The following GABRG3 variants were observed in gnomAD, a reference collection of about 807,000 sequenced individuals.
GABRG3 encodes the protein gamma-aminobutyric acid type A receptor subunit gamma3, also known as gamma-aminobutyric acid receptor subunit gamma-3.
Under a neutral mutation model 48.8 loss-of-function variants are expected in GABRG3, and 25 were observed. The ratio of observed to expected loss-of-function variants is 0.51; its 90% CI spans 0.37 to 0.72. The LOEUF (loss-of-function observed/expected upper bound fraction) is 0.72. Ranked by LOEUF, GABRG3 falls within the 30% of genes least tolerant of loss-of-function variation. The pLI, the probability that GABRG3 is intolerant of heterozygous loss-of-function variation, is 0.00. For synonymous variants in GABRG3, 227 were observed against 217.6 expected (o/e 1.04, Z -0.38); for missense variants, 394 against 577.9 (o/e 0.68, Z 3.26).
intron 3 of GABRG3, among the ~76,000 whole-genome samples, chr15:27,295,684 T>TG (rs1891958741): frequency 6.6e-6 from 1 of 152,266 alleles, no homozygotes; most frequent in Admixed American, 6.5e-5. Context: ...CCTACAGGCA[T>TG]GGGGGACAAA....
At chr15:27,046,185 C>T (rs12909840) in intron 3 of GABRG3, among the ~76,000 whole-genome samples, 50,168 of 151,870 alleles carry the variant, frequency 0.33, 8,789 homozygotes, top group Middle Eastern at 0.46. Flanking sequence ...CGTCCGTCTC[C>T]GGGGTTCAAG....
At chr15:27,165,290 C>G (rs1196798041) in intron 3 of GABRG3, among the ~76,000 whole-genome samples, 1 of 152,130 alleles carries the variant, frequency 6.6e-6, no homozygotes, top group Non-Finnish European at 1.5e-5. Context: ...GCAGTGCTGG[C>G]GAGGTCACCT....
chr15:27,486,127 G>A (rs908379362), intron 6 of GABRG3, among the ~76,000 whole-genome samples: 4 of 152,150 alleles, frequency 2.6e-5, no homozygotes, highest in African/African-American at 7.2e-5. Context: ...GGCAAACTGA[G>A]GGGTGCTCGG....
intron 5 of GABRG3, among the ~76,000 whole-genome samples, chr15:27,443,619 A>G (rs1888855472): frequency 1.3e-5 from 2 of 152,210 alleles, no homozygotes; most frequent in African/African-American, 4.8e-5. Flanking sequence ...CTTCTTTTCC[A>G]AAACACCTGC....
chr15:27,463,398 G>A (rs781729951), intron 5 of GABRG3, among the ~76,000 whole-genome samples: 21 of 152,182 alleles, frequency 1.4e-4, no homozygotes, highest in Non-Finnish European at 1.5e-4. Flanking sequence ...ATTTCAATCA[G>A]AATTCCAATT....
intron 6 of GABRG3, 121 bp downstream of exon 6, chr15:27,480,908 C>A: frequency 2.1e-6 from 3 of 1,436,542 alleles, no homozygotes; most frequent in South Asian, 3.2e-5. Context: ...ATATTTGAGA[C>A]AAAACAAGTG....
chr15:27,142,400 T>A (rs1308722505), intron 3 of GABRG3, among the ~76,000 whole-genome samples: 1 of 152,096 alleles, frequency 6.6e-6, no homozygotes, highest in East Asian at 1.9e-4. Flanking sequence ...TGGATGGCAG[T>A]TGGCAAAGAG....
In GABRG3 at chr15:27,186,364, G is replaced by A. The variant is rs571449436; in HGVS notation, c.271-140445G>A. ...CTTCATTATTTTTTATGGTTGCATA[G>A]TATTATATGGTATATATGTACCACA... On this transcript the variant is annotated intron_variant, in intron 3 of 9. Transcript: ENST00000615808. Among the ~76,000 whole-genome samples, 12 of 152,178 alleles carry A rather than the reference G, an allele frequency of 7.9e-5. No individual in the cohort carries two copies. The East Asian group carries it at 2.1e-3, about 27-fold the overall frequency.
chr15:27,459,080 C>T (rs1889373680), intron 5 of GABRG3, among the ~76,000 whole-genome samples: 6 of 152,246 alleles, frequency 3.9e-5, no homozygotes. Context: ...AATACTTCCC[C>T]CGTCAGCATG....
At chr15:27,266,287 T>TG (rs2140470450) in intron 3 of GABRG3, among the ~76,000 whole-genome samples, 1 of 152,094 alleles carries the variant, frequency 6.6e-6, no homozygotes, top group African/African-American at 2.4e-5. Flanking sequence ...GGAATTCTTT[T>TG]TTTTTCTGCT....
At chr15:27,476,507 G>A (rs535924291) in intron 5 of GABRG3, among the ~76,000 whole-genome samples, 2 of 151,914 alleles carry the variant, frequency 1.3e-5, no homozygotes, top group South Asian at 2.1e-4. Flanking sequence ...AAATTCTAGA[G>A]TTGAAAAGTA....
intron 3 of GABRG3, among the ~76,000 whole-genome samples, chr15:27,160,495 T>C (rs1312057365): frequency 1.3e-5 from 2 of 152,208 alleles, no homozygotes; most frequent in African/African-American, 4.8e-5. Flanking sequence ...TTTTATTACT[T>C]TTCTCTTTTA....
intron 5 of GABRG3, among the ~76,000 whole-genome samples, chr15:27,469,324 G>T (rs12437745): frequency 0.3 from 45,361 of 151,992 alleles, 7,460 homozygotes; most frequent in African/African-American, 0.44. Flanking sequence ...CTTCTCTCAA[G>T]TCTCTCTTCT....
chr15:27,400,726 T>C (rs1158444779), intron 5 of GABRG3, among the ~76,000 whole-genome samples: 1 of 152,224 alleles, frequency 6.6e-6, no homozygotes, highest in Non-Finnish European at 1.5e-5. Context: ...CAGATGAGCT[T>C]ATCAGACTGA....
intron 3 of GABRG3, among the ~76,000 whole-genome samples, chr15:27,284,771 C>T (rs1891553507): frequency 6.6e-6 from 1 of 152,194 alleles, no homozygotes; most frequent in Non-Finnish European, 1.5e-5. Flanking sequence ...CTTCTTTCCT[C>T]AACTTTGCTC....
intron 6 of GABRG3, among the ~76,000 whole-genome samples, chr15:27,503,632 G>GA (rs1426716423): frequency 6.6e-6 from 1 of 152,176 alleles, no homozygotes; most frequent in African/African-American, 2.4e-5. Flanking sequence ...CACATACCAA[G>GA]AATGTGTACT....
chr15:27,135,268 A>G (rs951784410), intron 3 of GABRG3, among the ~76,000 whole-genome samples: 6 of 152,200 alleles, frequency 3.9e-5, no homozygotes, highest in African/African-American at 1.2e-4. Flanking sequence ...CTAGGAACTG[A>G]TCTTAATCAA....
chr15:27,463,269 T>G (rs1889503783), intron 5 of GABRG3, among the ~76,000 whole-genome samples: 2 of 152,184 alleles, frequency 1.3e-5, no homozygotes, highest in African/African-American at 4.8e-5. Flanking sequence ...TAAAGAAAAT[T>G]GTTAAAATTC....
intron 3 of GABRG3, among the ~76,000 whole-genome samples, chr15:27,126,977 G>A (rs1409658969): frequency 6.6e-6 from 1 of 152,182 alleles, no homozygotes; most frequent in Admixed American, 6.5e-5. Context: ...AGACCTCATG[G>A]CCAGCGGAGA....
Sources: allele counts gnomAD v4.1 joint callset (sites outside exome capture counted in the v4.1 genomes callset), GRCh38; gene constraint gnomAD v4.1.1; transcripts MANE v1.5; gene names NCBI Gene and HGNC (gene_info 2026-07-23, HGNC 2026-07-21).